Variants in SORBS3 observed in about 807,000 individuals in gnomAD.
SORBS3 encodes sorbin and SH3 domain containing 3, also known as vinexin.
SORBS3 carries 69 observed loss-of-function variants against 98.0 expected under a neutral mutation model. That is an observed-to-expected ratio of 0.70 (90% CI 0.58 to 0.86). The LOEUF (loss-of-function observed/expected upper bound fraction) is 0.86. Among genes scored for constraint, SORBS3 ranks in the 40% least tolerant of loss-of-function variants. SORBS3 has a pLI of 0.00. For synonymous variants in SORBS3, 394 were observed against 355.4 expected, an observed-to-expected ratio of 1.11 and a Z score of -1.22; for missense variants, 954 against 908.5, an observed-to-expected ratio of 1.05 and a Z score of -0.64.
chr8:22,562,151 A>C (rs2117247081), intron 7 of SORBS3, among the ~76,000 whole-genome samples: 1 of 152,296 alleles, frequency 6.6e-6, no homozygotes, highest in South Asian at 2.1e-4. Flanking sequence ...GGTAGGCAAG[A>C]GTGGACCTGG....
chr8:22,575,230 C>T lies in SORBS3; in HGVS notation c.*502C>T, dbSNP rs887202334. 9 of 315,826 alleles carry T rather than the reference C, an allele frequency of 2.8e-5. No individual in the cohort carries two copies. The highest frequency in any genetic ancestry group is 5.0e-5 in the Non-Finnish European group (8 of 160,040). The allele number at this position is 315,826 out of a possible 1,614,324, so 19.6% of individuals were successfully genotyped here. A position where few individuals can be genotyped will look rare whatever the true frequency, so the allele number is the denominator to read the frequency against. On this transcript the variant is annotated 3_prime_UTR_variant, in exon 21 of 21. Coordinates refer to ENST00000240123, the MANE Select transcript of SORBS3 (RefSeq NM_005775.5). ...TGGCCTCCAGCTGGGTGTGGGGGGG[C>T]GGAGCAAGGCGGGGGACAGACGCAG...
Position 22,574,713 on chromosome 8 carries a change from C to A in SORBS3, c.2001C>A (p.Tyr667Ter). 6.2e-7 allele frequency: 1 copy of A among 1,610,484 alleles called. No homozygotes were observed. The highest frequency in any genetic ancestry group is 8.5e-7 in the Non-Finnish European group (1 of 1,177,872). Reference sequence around the variant, plus strand: ...AATTCGGAACGTTCCCTGGAAATTACGTTGCCCCGGTGTGAGTGGTCTCCA... The same window carrying A: ...AATTCGGAACGTTCCCTGGAAATTAAGTTGCCCCGGTGTGAGTGGTCTCCA... ...TQKFGTFPGN[Y>*]VAPV The change falls in exon 21 of 21, where the codon TAC (tyrosine) becomes TAA (stop). Residue 667 changes from tyrosine (Y) to a stop codon, truncating the protein, a stop_gained. Coordinates refer to ENST00000240123, the MANE Select transcript of SORBS3 (RefSeq NM_005775.5). LOFTEE classifies it high-confidence loss of function.
rs369118889 is a variant in SORBS3 at position 22,569,184 on chromosome 8, C to T, written c.1342C>T (p.Pro448Ser). Residue 448 changes from proline (P) to serine (S), a missense_variant, in exon 17 of 21, where the codon CCC (proline) becomes TCC (serine). Transcript: ENST00000240123. ...PADEIPKPIKPPTYQVLEYGE... is the reference protein window; with the variant it reads ...PADEIPKPIKSPTYQVLEYGE... ...AGATGAGATCCCTAAGCCCATCAAG[C>T]CCCCGACCTACCAGGTGCTGGAGTA... 2 of 1,611,124 alleles carry T rather than the reference C, an allele frequency of 1.2e-6. No individual in the cohort carries two copies. The highest frequency in any genetic ancestry group is 1.7e-5 in the Admixed American group (1 of 59,636).
At chr8:22,567,283 T>G in intron 16 of SORBS3, 108 bp downstream of exon 16, 1 of 753,058 alleles carries the variant, frequency 1.3e-6, no homozygotes, top group East Asian at 2.6e-5. Flanking sequence ...TGTGAGGGGC[T>G]GGGGCGTGTC....
chr8:22,566,159 C>A, intron 12 of SORBS3, 186 bp from the exon 13 acceptor site: 1 of 799,662 alleles, frequency 1.3e-6, no homozygotes, highest in Non-Finnish European at 1.8e-6. Context: ...TGGGCCCTGC[C>A]GGGCCTCACC....
chr8:22,566,282 A>G, intron 12 of SORBS3, 63 bp from the exon 13 acceptor site: 2 of 1,578,270 alleles, frequency 1.3e-6, no homozygotes, highest in Non-Finnish European at 1.7e-6. Context: ...AGAGCGGTCT[A>G]GGGGTGACCA....
chr8:22,575,639 T>C lies in SORBS3; in HGVS notation c.*911T>C, dbSNP rs1273603006. ...GAGGAGGATGGAAAAACACCATTAT[T>C]ACCTCCAAAGATCTCTGCCCTTGGG... On this transcript the variant is annotated 3_prime_UTR_variant, in exon 21 of 21. Coordinates refer to ENST00000240123, the MANE Select transcript of SORBS3 (RefSeq NM_005775.5). 1.3e-5 allele frequency: 2 copies of C among 152,298 alleles called. No homozygotes were observed. The highest frequency in any genetic ancestry group is 4.8e-5 in the African/African-American group (2 of 41,414). 9.4% of individuals were successfully genotyped at this position (152,298 alleles called of 1,614,324 possible).
intron 15 of SORBS3, 30 bp downstream of exon 15, chr8:22,566,898 C>A: frequency 6.2e-7 from 1 of 1,600,106 alleles, no homozygotes; most frequent in Non-Finnish European, 8.5e-7. Context: ...TCCCCTTCCA[C>A]CCAAGGCAAT....
intron 11 of SORBS3, chr8:22,565,622 C>T (rs1840392455): frequency 4.0e-6 from 4 of 991,800 alleles, no homozygotes; most frequent in South Asian, 5.0e-5. Context: ...CCCCGTCCGG[C>T]CCCCGGGCCC....
At chr8:22,561,740 C>G (rs1419712665) in intron 6 of SORBS3, 125 bp from the exon 7 acceptor site, 21 of 845,212 alleles carry the variant, frequency 2.5e-5, no homozygotes, top group Non-Finnish European at 3.9e-5. Flanking sequence ...CACCCTGCCC[C>G]CACCATCCAC....
Position 22,564,097 on chromosome 8 carries a change from C to A in SORBS3, c.675+20C>A, listed in dbSNP as rs771543837. 1.2e-6 allele frequency: 2 copies of A among 1,605,504 alleles called. No individual in the cohort carries two copies. Among genetic ancestry groups the A allele is most frequent in the Admixed American group, 1.7e-5 (1 of 59,988 alleles). The stretch of plus-strand genomic sequence containing the variant: ...AATCAGGTAGCCCACCCAGCATAGT[C>A]CCTGGTCAGCCCCAGCTGTATGCCG... On this transcript the variant is annotated intron_variant, in intron 8 of 20. Transcript: ENST00000240123.
rs374691201 is a variant in SORBS3 at position 22,556,703 on chromosome 8, C to T, written c.221-12C>T. ...TGCCTTTCACTAATGCTCTCCTGCA[C>T]GCACCCAACAGACCCTGCGTGGTAT... On this transcript the variant is annotated splice_polypyrimidine_tract_variant and intron_variant, in intron 3 of 20. Coordinates refer to ENST00000240123, the MANE Select transcript of SORBS3 (RefSeq NM_005775.5). The T allele has an allele frequency of 2.8e-5, 45 of 1,613,230 alleles. No homozygotes were observed. The highest frequency in any genetic ancestry group is 6.7e-5 in the African/African-American group (5 of 74,924).
intron 20 of SORBS3, among the ~76,000 whole-genome samples, chr8:22,572,919 G>T (rs911959262): frequency 6.6e-6 from 1 of 152,246 alleles, no homozygotes; most frequent in Non-Finnish European, 1.5e-5. Context: ...AATGCAGGAA[G>T]CCTCAGGTTG....
intron 12 of SORBS3, chr8:22,566,076 A>G: frequency 1.8e-6 from 1 of 557,568 alleles, no homozygotes; most frequent in Non-Finnish European, 2.7e-6. Context: ...AACTCCTAGC[A>G]GAGGACCGGG....
Position 22,572,438 on chromosome 8 carries a change from G to T in SORBS3, c.1946G>T (p.Trp649Leu), listed in dbSNP as rs1465123113. 1 of 1,613,280 alleles carries T rather than the reference G, an allele frequency of 6.2e-7. No homozygotes were observed. Among genetic ancestry groups the T allele is most frequent in the Non-Finnish European group, 8.5e-7 (1 of 1,179,572 alleles). ...GTCATGCAGCAGTGTGACGATGGCT[G>T]GTTTGTGGGTATGTGGGCAGGCCGG... ...VDVMQQCDDGWFVGVSRRTQK... is the reference protein window; with the variant it reads ...VDVMQQCDDGLFVGVSRRTQK... Residue 649 changes from tryptophan to leucine, a missense_variant, in exon 20 of 21, where the codon TGG (tryptophan) becomes TTG (leucine). Transcript: ENST00000240123.
Position 22,554,602 on chromosome 8 carries a change from G to C in SORBS3, c.96G>C (p.Gly32=). ...LQSHIGSSSR[G]TRVPVIRNGG... Reference sequence around the variant, plus strand: ...CCCACATAGGGTCTTCCTCCCGGGGGACACGGGTGAGTGAGTCAGTAGGGA... The same window carrying C: ...CCCACATAGGGTCTTCCTCCCGGGGCACACGGGTGAGTGAGTCAGTAGGGA... Residue 32 remains glycine (G), a synonymous_variant, in exon 2 of 21, where the codon GGG becomes GGC. Coordinates refer to ENST00000240123, the MANE Select transcript of SORBS3 (RefSeq NM_005775.5). This position sits in a 1 kb window ranked among gnomAD's most constrained non-coding sequence, Gnocchi z 6.5. 1.9e-6 allele frequency: 3 copies of C among 1,611,878 alleles called. No homozygotes were observed. Among genetic ancestry groups the C allele is most frequent in the Non-Finnish European group, 2.5e-6 (3 of 1,179,774 alleles).
At chr8:22,549,911 A>G (rs1398858049), upstream of SORBS3, 6 of 850,186 alleles carry the variant, frequency 7.1e-6, no homozygotes, top group Non-Finnish European at 8.5e-6. Flanking sequence ...TCCAGGTCAG[A>G]GCCCTAGAGA....
At chr8:22,570,832 A>G in intron 17 of SORBS3, 78 bp from the exon 18 acceptor site, 2 of 1,344,646 alleles carry the variant, frequency 1.5e-6, no homozygotes, top group Non-Finnish European at 2.1e-6. Flanking sequence ...TTAGGGTTGA[A>G]TGAGACAGCC....
chr8:22,561,914 G>C lies in SORBS3; in HGVS notation c.567G>C (p.Pro189=), dbSNP rs201483209. The part of the protein sequence containing the change: ...AQQRPAHRPG[P]ATSSSGRSWD... ...AAAGACCTGCCCACAGGCCCGGCCC[G>C]GCAACATCTTCCAGTGGGTGAGCAC... Residue 189 remains proline, a synonymous_variant, in exon 7 of 21, where the codon CCG becomes CCC. Transcript: ENST00000240123. The C allele has an allele frequency of 2.3e-4, 372 of 1,614,130 alleles. 1 individual carries two copies. The highest frequency in any genetic ancestry group is 3.9e-4 in the African/African-American group (29 of 75,056).
Sources: gnomAD v4.1 joint callset for allele counts (sites outside exome capture counted in the v4.1 genomes callset) on GRCh38, gnomAD v4.1.1 for gene constraint, Gnocchi (gnomAD v3.1) non-coding constraint, MANE v1.5 for transcripts, NCBI Gene and HGNC (gene_info 2026-07-23, HGNC 2026-07-21) for gene names.